The following PDS5B variants were observed in gnomAD, a reference collection of about 807,000 sequenced individuals.
PDS5B encodes the protein PDS5 cohesin associated factor B, also known as sister chromatid cohesion protein PDS5 homolog B.
A neutral mutation model predicts 184.1 loss-of-function variants in PDS5B; 51 were observed. The observed-to-expected ratio is 0.28, with a 90% CI of 0.22 to 0.35. PDS5B has a LOEUF of 0.35. PDS5B is among the 10% of genes least tolerant of loss of function. The pLI is 1.00. For synonymous variants in PDS5B, 566 were observed against 569.2 expected, an observed-to-expected ratio of 0.99 and a Z score of 0.08; for missense variants, 1,180 against 1,723.3, an observed-to-expected ratio of 0.68 and a Z score of 5.58.
Position 32,770,519 on chromosome 13 carries a change from C to T in PDS5B, c.4023C>T (p.Ser1341=). 1.2e-6 allele frequency: 2 copies of T among 1,609,760 alleles called. No homozygotes were observed. Among genetic ancestry groups the T allele is most frequent in the Non-Finnish European group, 1.7e-6 (2 of 1,179,018 alleles). Residue 1341 remains serine (S), a synonymous_variant, in exon 32 of 35, where the codon TCC becomes TCT. Coordinates refer to ENST00000315596, the MANE Select transcript of PDS5B (RefSeq NM_015032.4). ...ERQSGNTEQK[S]KSKQHRVSRR... is the part of the protein sequence containing the mutation. Reference sequence around the variant, plus strand: ...AAAGTGGAAATACGGAACAGAAGTCCAAAAGCAAACAGCACCGAGTGTCAA... The same window carrying T: ...AAAGTGGAAATACGGAACAGAAGTCTAAAAGCAAACAGCACCGAGTGTCAA...
chr13:32,723,852 A>G lies in PDS5B; in HGVS notation c.2124-8249A>G, dbSNP rs576469586. On this transcript the variant is annotated intron_variant, in intron 19 of 34. Transcript: ENST00000315596. ...ACTAAAAGATTAGTGTTTTAGTTAT[A>G]CTAATTTTTTTCCACGTTATATTAT... Among the ~76,000 whole-genome samples the G allele has an allele frequency of 2.0e-5, 3 of 152,352 alleles. 1 individual carries two copies. The South Asian group carries it at 6.2e-4, about 32-fold the overall frequency.
At chr13:32,635,177 T>G (rs1289448846) in intron 1 of PDS5B, among the ~76,000 whole-genome samples, 5 of 4,330 alleles carry the variant, frequency 1.2e-3, no homozygotes, top group African/African-American at 7.4e-3. Flanking sequence ...TACGTTTTTT[T>G]TTTTTTTTTT....
chr13:32,646,266 C>G (rs1183141130), intron 1 of PDS5B, among the ~76,000 whole-genome samples: 1 of 152,060 alleles, frequency 6.6e-6, no homozygotes, highest in African/African-American at 2.4e-5. Context: ...CTTAGCCTTC[C>G]CAGATGCTGG....
chr13:32,595,082 A>G (rs986295171), intron 1 of PDS5B, among the ~76,000 whole-genome samples: 3 of 152,156 alleles, frequency 2.0e-5, no homozygotes, highest in African/African-American at 7.2e-5. Context: ...CAACACCTCC[A>G]GTACAATATA....
intron 1 of PDS5B, among the ~76,000 whole-genome samples, chr13:32,646,171 A>G (rs1950217606): frequency 6.6e-6 from 1 of 151,732 alleles, no homozygotes; most frequent in Admixed American, 6.6e-5. Context: ...TGCTTGGCTA[A>G]TTTATTTTTA....
intron 1 of PDS5B, among the ~76,000 whole-genome samples, chr13:32,613,725 A>G (rs928692421): frequency 6.6e-6 from 1 of 152,194 alleles, no homozygotes; most frequent in African/African-American, 2.4e-5. Context: ...GAAGCACAAA[A>G]GTTGTAAGTT....
intron 1 of PDS5B, among the ~76,000 whole-genome samples, chr13:32,621,432 G>T (rs1401452167): frequency 1.3e-5 from 2 of 152,012 alleles, no homozygotes; most frequent in South Asian, 4.1e-4. Flanking sequence ...TTGCCACTGC[G>T]CTCCAGCCTG....
At chr13:32,611,716 C>G (rs1027233067) in intron 1 of PDS5B, among the ~76,000 whole-genome samples, 9 of 151,794 alleles carry the variant, frequency 5.9e-5, no homozygotes, top group Admixed American at 5.3e-4. Flanking sequence ...ACCTTGTTGC[C>G]CAGGCTGGTC....
rs117149373 is a variant in PDS5B, at chr13:32,610,141, G to T, written c.-20+23548G>T. On this transcript the variant is annotated intron_variant, in intron 1 of 34. Coordinates refer to ENST00000315596, the MANE Select transcript of PDS5B (RefSeq NM_015032.4). ...TGCATATAAGCTGGCAGATGATGTG[G>T]TGTGTCTTATGTATCAGTGGATTAG... is the stretch of plus-strand genomic sequence containing the variant. 5.0e-3 allele frequency among the ~76,000 whole-genome samples: 767 copies of T among 152,300 alleles called. 3 individuals carry two copies. Among genetic ancestry groups the T allele is most frequent in the Non-Finnish European group, 7.9e-3 (537 of 68,010 alleles).
chr13:32,753,204 C>T (rs760367893), intron 24 of PDS5B, 128 bp from the exon 25 acceptor site: 20 of 659,174 alleles, frequency 3.0e-5, no homozygotes, highest in Middle Eastern at 6.9e-4. Flanking sequence ...CTCTTGTGAG[C>T]AGTGAAGCAA....
intron 19 of PDS5B, among the ~76,000 whole-genome samples, chr13:32,729,563 A>G (rs1474351560): frequency 6.6e-6 from 1 of 152,204 alleles, no homozygotes. Flanking sequence ...GCTCCCACCA[A>G]CAGTGTAAAA....
chr13:32,596,575 T>C (rs1293955729), intron 1 of PDS5B, among the ~76,000 whole-genome samples: 2 of 152,202 alleles, frequency 1.3e-5, no homozygotes, highest in Non-Finnish European at 2.9e-5. Context: ...AGGAAACTAG[T>C]TTTTCAAAGT....
chr13:32,617,319 C>T (rs556079623), intron 1 of PDS5B, among the ~76,000 whole-genome samples: 3 of 152,174 alleles, frequency 2.0e-5, no homozygotes, highest in African/African-American at 7.2e-5. Context: ...ATTGTAGTTA[C>T]ATTATCAGAG....
intron 19 of PDS5B, among the ~76,000 whole-genome samples, chr13:32,716,664 T>TGGG (rs535532187): frequency 2.1e-5 from 2 of 94,472 alleles, no homozygotes; most frequent in Non-Finnish European, 4.3e-5. Context: ...GGGAGGGAGG[T>TGGG]GGGGGGGGTC....
chr13:32,601,227 G>T (rs55781908), intron 1 of PDS5B, among the ~76,000 whole-genome samples: 1 of 151,938 alleles, frequency 6.6e-6, no homozygotes, highest in Non-Finnish European at 1.5e-5. Flanking sequence ...TTTTCCCAGG[G>T]TTTATAATTG....
intron 29 of PDS5B, among the ~76,000 whole-genome samples, chr13:32,760,169 A>C (rs1246831268): frequency 6.6e-6 from 1 of 152,116 alleles, no homozygotes; most frequent in Non-Finnish European, 1.5e-5. Context: ...GTTAGCCAGG[A>C]TGGTCTCGAT....
intron 1 of PDS5B, among the ~76,000 whole-genome samples, chr13:32,609,309 A>G (rs2058105937): frequency 6.6e-6 from 1 of 152,252 alleles, no homozygotes; most frequent in Non-Finnish European, 1.5e-5. Context: ...TGTTGTAGAA[A>G]AGGTGAGAAA....
rs1223993628 is a variant in PDS5B, at chr13:32,776,681, A to G, written c.*1629A>G. On this transcript the variant is annotated 3_prime_UTR_variant, in exon 35 of 35. Transcript: ENST00000315596. ...CATATGATACACCATTATGTTTAAG[A>G]TATATTTCCAAGATTGGTTATAATA... The G allele has an allele frequency of 2.0e-5, 3 of 152,482 alleles. No individual in the cohort carries two copies. Among genetic ancestry groups the G allele is most frequent in the Non-Finnish European group, 4.4e-5 (3 of 67,934 alleles). 9.4% of individuals were successfully genotyped at this position (152,482 alleles called of 1,614,324 possible).
intron 23 of PDS5B, 115 bp downstream of exon 23, chr13:32,742,842 C>T (rs1953607770): frequency 4.4e-6 from 4 of 914,604 alleles, no homozygotes; most frequent in Admixed American, 2.7e-5. Context: ...TTGCTTTGTA[C>T]ATGTGCATAT....
Sources: allele counts gnomAD v4.1 joint callset (sites outside exome capture counted in the v4.1 genomes callset), GRCh38; gene constraint gnomAD v4.1.1; transcripts MANE v1.5; gene names NCBI Gene and HGNC (gene_info 2026-07-23, HGNC 2026-07-21).